The following GASK1B variants were observed in gnomAD, a reference collection of about 807,000 sequenced individuals.
GASK1B encodes the protein Golgi-associated kinase 1B.
Under a neutral mutation model 42.8 loss-of-function variants are expected in GASK1B, and 34 were observed. That is an observed-to-expected ratio of 0.79 (90% CI 0.60 to 1.06). GASK1B has a LOEUF of 1.06. Among genes scored for constraint, GASK1B ranks in the 50% least tolerant of loss-of-function variants. The pLI is 0.00. For synonymous variants in GASK1B, 262 were observed against 259.1 expected (o/e 1.01, Z -0.11); for missense variants, 686 against 661.0 (o/e 1.04, Z -0.42).
Position 158,124,996 on chromosome 4 carries a change from T to C in GASK1B, c.*2411A>G, listed in dbSNP as rs1391131205. The C allele has an allele frequency of 1.3e-5, 2 of 152,202 alleles. No homozygotes were observed. The highest frequency in any genetic ancestry group is 2.9e-5 in the Non-Finnish European group (2 of 68,028). 9.4% of individuals were successfully genotyped at this position (152,202 alleles called of 1,614,324 possible). The stretch of plus-strand genomic sequence containing the variant: ...TTATATTATAAGTTTGTTATGAAGT[T>C]ATAAATAAAACACATATTGTGCTTA... On this transcript the variant is annotated 3_prime_UTR_variant, in exon 5 of 5. Transcript: ENST00000585682.
intron 2 of GASK1B, among the ~76,000 whole-genome samples, chr4:158,167,882 C>T (rs1034645694): frequency 1.3e-5 from 2 of 152,024 alleles, no homozygotes; most frequent in African/African-American, 4.8e-5. Flanking sequence ...TACACGCTTC[C>T]GTGGAAATCA....
chr4:158,154,783 A>G lies in GASK1B; in HGVS notation c.1125+828T>C, dbSNP rs372801409. Among the ~76,000 whole-genome samples, 23 of 152,268 alleles carry G rather than the reference A, an allele frequency of 1.5e-4. No individual in the cohort carries two copies. In the East Asian group the frequency reaches 1.5e-3, roughly 10 times the overall value. On this transcript the variant is annotated intron_variant, in intron 3 of 4. Coordinates refer to ENST00000585682, the MANE Select transcript of GASK1B (RefSeq NM_001128424.2). Reference sequence around the variant, plus strand: ...GGAAAACCAAACATCGTATGTTCTCACTCATAAGTGGAAGCTAAGCTATGA... The same window carrying G: ...GGAAAACCAAACATCGTATGTTCTCGCTCATAAGTGGAAGCTAAGCTATGA...
At chr4:158,161,609 C>A (rs1305044909) in intron 2 of GASK1B, among the ~76,000 whole-genome samples, 1 of 152,202 alleles carries the variant, frequency 6.6e-6, no homozygotes, top group African/African-American at 2.4e-5. Context: ...CTGCCCTGAA[C>A]TTCTGCTGTA....
At chr4:158,158,716 G>A (rs1007417703) in intron 2 of GASK1B, among the ~76,000 whole-genome samples, 4 of 152,048 alleles carry the variant, frequency 2.6e-5, no homozygotes, top group African/African-American at 9.7e-5. Flanking sequence ...CTCCAGTGTA[G>A]CCCAAAAGCA....
At chr4:158,150,752 C>G (rs956320705) in intron 3 of GASK1B, among the ~76,000 whole-genome samples, 1 of 152,084 alleles carries the variant, frequency 6.6e-6, no homozygotes, top group South Asian at 2.1e-4. Context: ...TGCTTAAAAC[C>G]AGTTACAGCC....
intron 3 of GASK1B, among the ~76,000 whole-genome samples, chr4:158,140,337 G>A (rs1445384244): frequency 6.6e-6 from 1 of 152,126 alleles, no homozygotes; most frequent in Non-Finnish European, 1.5e-5. Context: ...TCATGAATAT[G>A]GTTGGGAAGA....
At chr4:158,128,364 C>T (rs1338038386) in intron 4 of GASK1B, among the ~76,000 whole-genome samples, 2 of 152,090 alleles carry the variant, frequency 1.3e-5, no homozygotes, top group Non-Finnish European at 2.9e-5. Flanking sequence ...TAAAAGAATG[C>T]ATTGTGCTTG....
intron 3 of GASK1B, among the ~76,000 whole-genome samples, chr4:158,138,623 A>G (rs1177428381): frequency 6.6e-6 from 1 of 152,054 alleles, no homozygotes; most frequent in Non-Finnish European, 1.5e-5. Context: ...TTATTAATAT[A>G]GAATTTCTAT....
chr4:158,151,677 G>A (rs1249307834), intron 3 of GASK1B, among the ~76,000 whole-genome samples: 2 of 20,742 alleles, frequency 9.6e-5, no homozygotes, highest in Non-Finnish European at 4.6e-4. Context: ...ACCTTTACAC[G>A]CAAAACTACA....
At chr4:158,168,174 T>G (rs1015606318) in intron 2 of GASK1B, among the ~76,000 whole-genome samples, 6 of 152,222 alleles carry the variant, frequency 3.9e-5, no homozygotes, top group African/African-American at 1.4e-4. Flanking sequence ...CTTAGGGATT[T>G]TATTTATTAA....
intron 3 of GASK1B, among the ~76,000 whole-genome samples, chr4:158,135,567 AC>A (rs1409072138): frequency 6.6e-6 from 1 of 151,506 alleles, no homozygotes; most frequent in Admixed American, 6.6e-5. Flanking sequence ...GGGCTAGTTG[AC>A]CTCCCCAAGG....
At chr4:158,138,713 T>C (rs928218013) in intron 3 of GASK1B, among the ~76,000 whole-genome samples, 2 of 152,054 alleles carry the variant, frequency 1.3e-5, no homozygotes, top group Non-Finnish European at 2.9e-5. Flanking sequence ...ATATTAAAAC[T>C]CAGTTTTGGT....
At chr4:158,151,380 T>C (rs1027235961) in intron 3 of GASK1B, among the ~76,000 whole-genome samples, 4 of 152,182 alleles carry the variant, frequency 2.6e-5, no homozygotes, top group African/African-American at 9.7e-5. Context: ...GAAGACACTT[T>C]ACCATCAACA....
At chr4:158,168,999 TG>T (rs1732343110) in intron 2 of GASK1B, 1 of 152,196 alleles carries the variant, frequency 6.6e-6, no homozygotes, top group South Asian at 2.1e-4. Flanking sequence ...TAAGAAGTTA[TG>T]TTCTGAAGTT....
intron 3 of GASK1B, among the ~76,000 whole-genome samples, chr4:158,144,675 A>C (rs1267493928): frequency 2.6e-5 from 4 of 152,164 alleles, no homozygotes; most frequent in Admixed American, 6.5e-5. Flanking sequence ...CTGATTCTTG[A>C]CAGTTTTTGC....
chr4:158,160,302 A>T (rs1490846913), intron 2 of GASK1B, among the ~76,000 whole-genome samples: 1 of 152,114 alleles, frequency 6.6e-6, no homozygotes, highest in Non-Finnish European at 1.5e-5. Context: ...GTAGGTGGGG[A>T]GGTAGGAGTC....
rs1171074697 is a variant in GASK1B, at chr4:158,170,921, G to C, written c.455C>G (p.Pro152Arg). The change falls in exon 2 of 5, where the codon CCG becomes CGG. Residue 152 changes from proline (P) to arginine (R), a missense_variant. Transcript: ENST00000585682. ...QEALVGPSLQ[P>R]QEAAREADAV... The stretch of plus-strand genomic sequence containing the variant: ...ATCAGCTTCCCTTGCCGCTTCCTGC[G>C]GCTGAAGGGATGGTCCGACCAAAGC... The C allele has an allele frequency of 6.2e-7, 1 of 1,614,202 alleles. No individual in the cohort carries two copies. Among genetic ancestry groups the C allele is most frequent in the South Asian group, 1.1e-5 (1 of 91,088 alleles).
chr4:158,133,274 C>T (rs1343161037), intron 3 of GASK1B, among the ~76,000 whole-genome samples: 1 of 151,974 alleles, frequency 6.6e-6, no homozygotes, highest in Non-Finnish European at 1.5e-5. Flanking sequence ...ATTGTTTTAT[C>T]TAGTTACATT....
At chr4:158,132,406 T>C (rs1730717448) in intron 3 of GASK1B, among the ~76,000 whole-genome samples, 1 of 152,228 alleles carries the variant, frequency 6.6e-6, no homozygotes, top group Non-Finnish European at 1.5e-5. Context: ...TTTATTCATT[T>C]ATCCAACAAA....
Sources: gnomAD v4.1 joint callset for allele counts (sites outside exome capture counted in the v4.1 genomes callset) on GRCh38, gnomAD v4.1.1 for gene constraint, MANE v1.5 for transcripts, NCBI Gene and HGNC (gene_info 2026-07-23, HGNC 2026-07-21) for gene names.